Variants in TMEM63C observed in about 807,000 individuals in gnomAD.
TMEM63C encodes the protein transmembrane protein 63C, also known as osmosensitive cation channel TMEM63C.
In TMEM63C, 32 loss-of-function variants were observed where a neutral mutation model predicts 99.2. The observed-to-expected ratio is 0.32, with a 90% CI of 0.24 to 0.43. The LOEUF (loss-of-function observed/expected upper bound fraction) is 0.43, where lower values mean the gene tolerates loss of function less well. Ranked by LOEUF, TMEM63C falls within the 20% of genes least tolerant of loss-of-function variation. The probability of loss-of-function intolerance (pLI) is 1.00; values close to 1 mark genes in which losing one functional copy is unlikely to be tolerated. For missense variants in TMEM63C, 826 were observed against 1,053.0 expected (o/e 0.78, Z 2.98); for synonymous variants, 376 against 397.9 (o/e 0.94, Z 0.66).
At chr14:77,214,084 C>CCATCT (rs897986354) in intron 2 of TMEM63C, among the ~76,000 whole-genome samples, 5 of 152,106 alleles carry the variant, frequency 3.3e-5, no homozygotes, top group African/African-American at 1.2e-4. Flanking sequence ...TTCTCCATCC[C>CCATCT]CATCTCTCAG....
chr14:77,215,614 A>AAAAAAAAAAAAAAAAGAAAAG (rs772701077), intron 2 of TMEM63C, among the ~76,000 whole-genome samples: 24 of 76,524 alleles, frequency 3.1e-4, no homozygotes, highest in Non-Finnish European at 4.2e-4. Context: ...AAAAAAAAAA[A>AAAAAAAAAAAAAAAAGAAAAG]AAAAGAAAAG....
intron 2 of TMEM63C, among the ~76,000 whole-genome samples, chr14:77,215,466 T>C (rs539798767): frequency 6.6e-6 from 1 of 151,642 alleles, no homozygotes; most frequent in South Asian, 2.1e-4. Context: ...CCAAGTGTAG[T>C]GGTGGGCACC....
chr14:77,251,932 C>T, intron 22 of TMEM63C, 34 bp downstream of exon 22: 1 of 1,532,726 alleles, frequency 6.5e-7, no homozygotes, highest in Non-Finnish European at 9.0e-7. Flanking sequence ...TCCTGGTTCT[C>T]TTGGTCCCTG....
chr14:77,242,878 G>T (rs753127014), intron 14 of TMEM63C, 25 bp from the exon 15 acceptor site: 1 of 1,613,876 alleles, frequency 6.2e-7, no homozygotes, highest in Non-Finnish European at 8.5e-7. Flanking sequence ...CTCTAAATGT[G>T]CCTCCTTCTT....
chr14:77,252,228 A>C (rs1189475998), intron 22 of TMEM63C, among the ~76,000 whole-genome samples: 1 of 152,018 alleles, frequency 6.6e-6, no homozygotes, highest in Admixed American at 6.5e-5. Context: ...GCCTCCAAGG[A>C]CTGGAGGCCA....
intron 1 of TMEM63C, among the ~76,000 whole-genome samples, chr14:77,206,914 T>C (rs995171199): frequency 6.6e-6 from 1 of 152,180 alleles, no homozygotes; most frequent in Admixed American, 6.5e-5. Context: ...ATCCAGATCA[T>C]TTCATTTAAC....
chr14:77,210,850 C>T (rs1362666468), intron 1 of TMEM63C, among the ~76,000 whole-genome samples: 1 of 152,060 alleles, frequency 6.6e-6, no homozygotes, highest in Non-Finnish European at 1.5e-5. Context: ...AGGGTGGGAG[C>T]TGTGGCTTTG....
chr14:77,219,846 G>C (rs987015374), intron 4 of TMEM63C, among the ~76,000 whole-genome samples, 160 bp from the exon 5 acceptor site: 1 of 152,196 alleles, frequency 6.6e-6, no homozygotes, highest in Non-Finnish European at 1.5e-5. Context: ...GGCGATTGCT[G>C]TCTGTGCCCA....
At position 77,245,955 on chromosome 14, in the gene TMEM63C, G is replaced by A. The variant is rs752757343; in HGVS notation, c.1464G>A (p.Leu488=). 1 of 1,613,838 alleles carries A rather than the reference G, an allele frequency of 6.2e-7. No homozygotes were observed. Among genetic ancestry groups the A allele is most frequent in the Non-Finnish European group, 8.5e-7 (1 of 1,179,744 alleles). Residue 488 remains leucine, a synonymous_variant, in exon 17 of 24, where the codon CTG becomes CTA. Transcript: ENST00000298351. ...TTCCTTCTAGATCAAGTCAGAATCTGGTCATGGTGCACAAGTGCTACATCT... is the reference window on the plus strand; with the variant it reads ...TTCCTTCTAGATCAAGTCAGAATCTAGTCATGGTGCACAAGTGCTACATCT... The part of the protein sequence containing the change: ...EAHWTRSSQN[L]VMVHKCYIFL...
At chr14:77,220,867 CCG>C (rs1295306590) in intron 5 of TMEM63C, among the ~76,000 whole-genome samples, 2 of 69,980 alleles carry the variant, frequency 2.9e-5, no homozygotes, top group Non-Finnish European at 7.7e-5. Context: ...CACTCACGCC[CCG>C]CCTCCCACTC....
chr14:77,254,220 AG>A (rs1889424432), intron 23 of TMEM63C, among the ~76,000 whole-genome samples: 1 of 152,204 alleles, frequency 6.6e-6, no homozygotes, highest in Non-Finnish European at 1.5e-5. Context: ...GACTCAAGAC[AG>A]TTTTCGGCAC....
intron 23 of TMEM63C, among the ~76,000 whole-genome samples, chr14:77,254,743 G>T (rs193006926): frequency 3.9e-5 from 6 of 152,100 alleles, no homozygotes; most frequent in Non-Finnish European, 7.4e-5. Flanking sequence ...TAAAAAACAC[G>T]ACTAGGATTT....
intron 8 of TMEM63C, among the ~76,000 whole-genome samples, chr14:77,234,964 C>G (rs1889010854): frequency 6.6e-6 from 1 of 152,188 alleles, no homozygotes; most frequent in Admixed American, 6.5e-5. Context: ...CAGCTCTGGG[C>G]TCACCTCCCA....
At chr14:77,185,263 C>A (rs919838928) in intron 1 of TMEM63C, among the ~76,000 whole-genome samples, 3 of 152,144 alleles carry the variant, frequency 2.0e-5, no homozygotes, top group Admixed American at 2.0e-4. Context: ...CATGCCCAGC[C>A]CTGTGCCTGT....
chr14:77,191,191 A>G (rs1282335014), intron 1 of TMEM63C, among the ~76,000 whole-genome samples: 1 of 152,226 alleles, frequency 6.6e-6, no homozygotes, highest in Non-Finnish European at 1.5e-5. Flanking sequence ...AGACTACTTC[A>G]TTCTTGATTC....
At position 77,256,683 on chromosome 14, in the gene TMEM63C, T is replaced by C; in HGVS notation, c.2378T>C (p.Phe793Ser). 1.2e-6 allele frequency: 2 copies of C among 1,613,842 alleles called. No individual in the cohort carries two copies. The highest frequency in any genetic ancestry group is 1.7e-6 in the Non-Finnish European group (2 of 1,179,842). ...GCGAGGGAGCTAGACTCGGCCCAGTTCCAGGAAGGGCTGGAACTGGAGGGC... is the reference window on the plus strand; with the variant it reads ...GCGAGGGAGCTAGACTCGGCCCAGTCCCAGGAAGGGCTGGAACTGGAGGGC... ...GFARELDSAQ[F>S]QEGLELEGQN... The change falls in exon 24 of 24, where the codon TTC (phenylalanine) becomes TCC (serine). Residue 793 changes from phenylalanine (F) to serine (S), a missense_variant. Phe to Ser is a radical substitution (Grantham distance 155, BLOSUM62 -2). Transcript: ENST00000298351.
chr14:77,246,324 G>T (rs935888997), intron 17 of TMEM63C, among the ~76,000 whole-genome samples: 1 of 152,262 alleles, frequency 6.6e-6, no homozygotes, highest in Non-Finnish European at 1.5e-5. Flanking sequence ...TCAGAAGAGG[G>T]AGAGAGTACT....
rs116288300 is a variant in TMEM63C, at chr14:77,253,260, G to T, written c.2149-45G>T. ...GGCTCCTCTGGATGAATGGGGAGGG[G>T]CAAAGAGCAGGCCTCCTGTAACCCA... On this transcript the variant is annotated intron_variant, in intron 22 of 23. Transcript: ENST00000298351. 2,046 of 1,576,740 alleles carry T rather than the reference G, an allele frequency of 1.3e-3. 22 individuals carry two copies. The African/African-American group carries it at 0.024, about 19-fold the overall frequency.
chr14:77,222,265 G>T (rs1322956522), intron 5 of TMEM63C, among the ~76,000 whole-genome samples: 1 of 151,890 alleles, frequency 6.6e-6, no homozygotes, highest in East Asian at 1.9e-4. Context: ...TTCTCCCCAG[G>T]GTCTCCTCTC....
Sources: gnomAD v4.1 joint callset for allele counts (sites outside exome capture counted in the v4.1 genomes callset) on GRCh38, gnomAD v4.1.1 for gene constraint, MANE v1.5 for transcripts, NCBI Gene and HGNC (gene_info 2026-07-23, HGNC 2026-07-21) for gene names.